CSMD1: variants seen among roughly 807,000 people sequenced by gnomAD.
CSMD1 encodes CUB and Sushi multiple domains 1, also known as CUB and sushi domain-containing protein 1.
CSMD1 carries 213 observed loss-of-function variants against 417.5 expected under a neutral mutation model. That is an observed-to-expected ratio of 0.51 (90% CI 0.46 to 0.57). The LOEUF is 0.57. Among genes scored for constraint, CSMD1 ranks in the 20% least tolerant of loss-of-function variants. CSMD1 has a pLI of 0.00. For synonymous variants in CSMD1, 2,862 were observed against 1,736.8 expected, an observed-to-expected ratio of 1.65 and a Z score of -16.11; for missense variants, 6,923 against 4,529.7, an observed-to-expected ratio of 1.53 and a Z score of -15.17.
chr8:3,354,563 C>T (rs1808616415), intron 21 of CSMD1, among the ~76,000 whole-genome samples: 1 of 152,038 alleles, frequency 6.6e-6, no homozygotes, highest in South Asian at 2.1e-4. Flanking sequence ...TCAAAATATG[C>T]AATTCCATAT....
At chr8:4,210,274 G>A in intron 3 of CSMD1, among the ~76,000 whole-genome samples, 1 of 152,196 alleles carries the variant, frequency 6.6e-6, no homozygotes, top group Admixed American at 6.5e-5. Context: ...TTGTTTCTTT[G>A]ATGCTTTCAT....
At chr8:4,223,344 A>G (rs1258735602) in intron 3 of CSMD1, among the ~76,000 whole-genome samples, 7 of 152,248 alleles carry the variant, frequency 4.6e-5, no homozygotes, top group Admixed American at 3.9e-4. Context: ...TCTCAGAACA[A>G]TTTAAACTCC....
At chr8:4,094,004 AG>A (rs1279598548) in intron 3 of CSMD1, among the ~76,000 whole-genome samples, 1 of 151,980 alleles carries the variant, frequency 6.6e-6, no homozygotes, top group Non-Finnish European at 1.5e-5. Flanking sequence ...ATAGATAGAT[AG>A]ATAGATAAAG....
At chr8:4,838,349 A>C (rs1800625453) in intron 1 of CSMD1, among the ~76,000 whole-genome samples, 1 of 152,196 alleles carries the variant, frequency 6.6e-6, no homozygotes, top group South Asian at 2.1e-4. Context: ...TTTGCCTCAA[A>C]GACTATGCAA....
intron 1 of CSMD1, among the ~76,000 whole-genome samples, chr8:4,767,813 C>G (rs1051901988): frequency 2.0e-5 from 3 of 152,068 alleles, no homozygotes; most frequent in African/African-American, 7.2e-5. Context: ...CTTATTTACC[C>G]GAGGCACTGG....
intron 12 of CSMD1, among the ~76,000 whole-genome samples, chr8:3,444,284 C>T (rs1815167307): frequency 6.6e-6 from 1 of 152,170 alleles, no homozygotes; most frequent in Admixed American, 6.5e-5. Flanking sequence ...GTTTATCCCA[C>T]TGGATGGCAA....
chr8:4,094,603 G>C (rs76008528), intron 3 of CSMD1, among the ~76,000 whole-genome samples: 17 of 152,144 alleles, frequency 1.1e-4, no homozygotes, highest in Admixed American at 9.2e-4. Context: ...TGCTTGTGTA[G>C]GTCAGAGGAG....
At chr8:3,424,148 G>C (rs1454618858) in intron 12 of CSMD1, among the ~76,000 whole-genome samples, 1 of 151,960 alleles carries the variant, frequency 6.6e-6, no homozygotes, top group Non-Finnish European at 1.5e-5. Flanking sequence ...GTATCTAAGA[G>C]CATAATGAAA....
chr8:3,410,969 C>G (rs917409437), intron 12 of CSMD1, among the ~76,000 whole-genome samples: 1 of 152,088 alleles, frequency 6.6e-6, no homozygotes. Flanking sequence ...AGGAAGATGG[C>G]AATCAGCCCT....
intron 25 of CSMD1, among the ~76,000 whole-genome samples, chr8:3,306,681 GA>G (rs574897495): frequency 1.1e-4 from 16 of 152,164 alleles, no homozygotes; most frequent in Non-Finnish European, 7.4e-5. Context: ...TTAATTGAAG[GA>G]AAAATACATT....
At chr8:4,880,951 G>A (rs1803357371) in intron 1 of CSMD1, among the ~76,000 whole-genome samples, 3 of 151,920 alleles carry the variant, frequency 2.0e-5, no homozygotes, top group Admixed American at 2.0e-4. Context: ...CCCAGAATGG[G>A]CCAGGAATCC....
chr8:3,424,242 T>C (rs1372990159), intron 12 of CSMD1, among the ~76,000 whole-genome samples: 1 of 152,188 alleles, frequency 6.6e-6, no homozygotes, highest in East Asian at 1.9e-4. Context: ...AAATACACCA[T>C]GATTCAATTA....
chr8:3,745,765 C>A (rs73187292), intron 6 of CSMD1, among the ~76,000 whole-genome samples: 6 of 152,248 alleles, frequency 3.9e-5, no homozygotes, highest in East Asian at 1.9e-4. Context: ...ATTTCAGAAG[C>A]CTGATTCAGA....
chr8:4,301,109 C>G (rs1422577064), intron 3 of CSMD1, among the ~76,000 whole-genome samples: 1 of 152,106 alleles, frequency 6.6e-6, no homozygotes, highest in East Asian at 1.9e-4. Flanking sequence ...GAAACTCTTG[C>G]AAAATTGCCC....
chr8:3,749,225 T>C (rs1797202789), intron 6 of CSMD1, among the ~76,000 whole-genome samples: 1 of 152,218 alleles, frequency 6.6e-6, no homozygotes, highest in Admixed American at 6.5e-5. Flanking sequence ...GGCTCAATTT[T>C]CAGCTGATTT....
At chr8:3,788,216 G>C (rs764628516) in intron 5 of CSMD1, among the ~76,000 whole-genome samples, 2 of 152,202 alleles carry the variant, frequency 1.3e-5, no homozygotes, top group Non-Finnish European at 2.9e-5. Flanking sequence ...TGGATCACAG[G>C]ATTTAACAGG....
At chr8:3,380,955 G>C (rs957419250) in intron 18 of CSMD1, among the ~76,000 whole-genome samples, 2 of 152,088 alleles carry the variant, frequency 1.3e-5, no homozygotes, top group African/African-American at 4.8e-5. Context: ...AATGCTCAAA[G>C]AAGAATTTGG....
intron 4 of CSMD1, among the ~76,000 whole-genome samples, chr8:4,019,448 T>TCCCTTATTAGGG (rs766317737): frequency 4.6e-5 from 1 of 21,754 alleles, no homozygotes; most frequent in Non-Finnish European, 8.5e-5. Flanking sequence ...AAGGGAACAT[T>TCCCTTATTAGGG]CCCTTATTAG....
chr8:4,327,510 T>C (rs1414424423), intron 3 of CSMD1, among the ~76,000 whole-genome samples: 1 of 152,136 alleles, frequency 6.6e-6, no homozygotes, highest in Non-Finnish European at 1.5e-5. Context: ...GTGCCTTTCT[T>C]GCAGTGTGAT....
Sources: allele counts gnomAD v4.1 joint callset (sites outside exome capture counted in the v4.1 genomes callset), GRCh38; gene constraint gnomAD v4.1.1; transcripts MANE v1.5; gene names NCBI Gene and HGNC (gene_info 2026-07-23, HGNC 2026-07-21).